STPG2: variants seen among roughly 807,000 people sequenced by gnomAD.
The protein encoded by STPG2 is sperm-tail PG-rich repeat-containing protein 2.
In STPG2, 56 loss-of-function variants were observed where a neutral mutation model predicts 54.2. That is an observed-to-expected ratio of 1.03 (90% CI 0.83 to 1.29). STPG2 has a LOEUF of 1.29. Among genes scored for constraint, STPG2 ranks in the 50% most tolerant of loss-of-function variants. The pLI, the probability that STPG2 is intolerant of heterozygous loss-of-function variation, is 0.00. For synonymous variants in STPG2, 200 were observed against 181.8 expected, an observed-to-expected ratio of 1.10 and a Z score of -0.81; for missense variants, 596 against 544.9, an observed-to-expected ratio of 1.09 and a Z score of -0.93.
chr4:97,966,968 C>G (rs920234324), intron 7 of STPG2, among the ~76,000 whole-genome samples: 1 of 152,028 alleles, frequency 6.6e-6, no homozygotes, highest in Admixed American at 6.6e-5. Context: ...GCAAAATAAC[C>G]AGCTAACATC....
chr4:98,140,800 C>G (rs1740261009), intron 1 of STPG2, among the ~76,000 whole-genome samples: 1 of 151,938 alleles, frequency 6.6e-6, no homozygotes, highest in Non-Finnish European at 1.5e-5. Flanking sequence ...TCAAGGACAT[C>G]AACAGCAACA....
chr4:97,969,976 T>C (rs1734263828), intron 7 of STPG2, among the ~76,000 whole-genome samples: 1 of 152,134 alleles, frequency 6.6e-6, no homozygotes, highest in Admixed American at 6.5e-5. Flanking sequence ...GGATACAAAA[T>C]CAATGTACAA....
chr4:98,018,846 C>T (rs28813541), intron 5 of STPG2, among the ~76,000 whole-genome samples: 59,458 of 151,110 alleles, frequency 0.39, 11,926 homozygotes, highest in Middle Eastern at 0.46. Context: ...ATATCCTTTG[C>T]CCACTTTTTG....
At chr4:97,990,476 A>C (rs916256785) in intron 5 of STPG2, among the ~76,000 whole-genome samples, 15 of 152,158 alleles carry the variant, frequency 9.9e-5, no homozygotes, top group African/African-American at 3.6e-4. Flanking sequence ...TGTGACCAAA[A>C]GACAACCTGC....
At chr4:97,760,855 C>T (rs753411579) in intron 9 of STPG2, among the ~76,000 whole-genome samples, 12 of 152,108 alleles carry the variant, frequency 7.9e-5, no homozygotes, top group African/African-American at 2.4e-4. Flanking sequence ...GACTGCAAGG[C>T]TGCATTTCTT....
chr4:98,082,730 G>A (rs1738388243), intron 5 of STPG2, among the ~76,000 whole-genome samples: 2 of 151,846 alleles, frequency 1.3e-5, no homozygotes, highest in South Asian at 4.1e-4. Flanking sequence ...GGGATTACAG[G>A]TGTGAGCCAC....
chr4:98,044,251 T>G (rs1737056214), intron 5 of STPG2, among the ~76,000 whole-genome samples: 1 of 152,290 alleles, frequency 6.6e-6, no homozygotes, highest in South Asian at 2.1e-4. Context: ...TTTCTTTTGA[T>G]CTATGTATTT....
At chr4:97,755,237 C>T (rs917423509) in intron 9 of STPG2, among the ~76,000 whole-genome samples, 1 of 152,046 alleles carries the variant, frequency 6.6e-6, no homozygotes, top group African/African-American at 2.4e-5. Flanking sequence ...AATGGTTAGC[C>T]ATGTCTATCA....
intron 3 of STPG2, among the ~76,000 whole-genome samples, chr4:98,115,627 T>G (rs1333211047): frequency 6.6e-6 from 1 of 151,964 alleles, no homozygotes; most frequent in East Asian, 1.9e-4. Context: ...TTTTCTTAAT[T>G]TTCTATCAAT....
chr4:97,802,285 A>G (rs960803817), intron 9 of STPG2, among the ~76,000 whole-genome samples: 2 of 152,132 alleles, frequency 1.3e-5, no homozygotes, highest in Non-Finnish European at 2.9e-5. Context: ...CTTTCAAAAC[A>G]TATTCTAGAG....
intron 10 of STPG2, among the ~76,000 whole-genome samples, chr4:97,631,227 G>A (rs538514368): frequency 6.6e-6 from 1 of 151,812 alleles, no homozygotes; most frequent in Non-Finnish European, 1.5e-5. Flanking sequence ...TGACAAAGAA[G>A]GCAAGACATT....
In STPG2 at chr4:97,477,482, T is replaced by G. The variant is rs950757098; in HGVS notation, c.462+235217A>C. Among the ~76,000 whole-genome samples the G allele has an allele frequency of 1.9e-3, 283 of 147,884 alleles. 1 individual carries two copies. The highest frequency in any genetic ancestry group is 6.3e-3 in the African/African-American group (253 of 39,990). On this transcript the variant is annotated intron_variant, in intron 4 of 4. Coordinates refer to the STPG2 transcript ENST00000522676. ...TGGTTTACCTTCCTTTTTTGTTTTT[T>G]TTTTTTTTTTTTGAGACTGACTCTC... is the stretch of plus-strand genomic sequence containing the variant.
intron 1 of STPG2, among the ~76,000 whole-genome samples, chr4:98,135,046 T>A (rs1014907312): frequency 2.6e-5 from 4 of 151,718 alleles, no homozygotes; most frequent in Non-Finnish European, 4.4e-5. Flanking sequence ...ACTTGAACAC[T>A]CTACTGAAAA....
chr4:97,897,464 T>C (rs1038597577), intron 8 of STPG2, among the ~76,000 whole-genome samples: 1 of 152,136 alleles, frequency 6.6e-6, no homozygotes, highest in Non-Finnish European at 1.5e-5. Flanking sequence ...TGTTTTTAGG[T>C]CTTTGAAAAA....
At chr4:98,044,387 G>A (rs377743322) in intron 5 of STPG2, among the ~76,000 whole-genome samples, 15 of 152,092 alleles carry the variant, frequency 9.9e-5, no homozygotes, top group African/African-American at 3.1e-4. Flanking sequence ...CTGGATAAGC[G>A]AAGTGCCACT....
At chr4:97,735,004 C>T (rs752638698) in intron 9 of STPG2, among the ~76,000 whole-genome samples, 10 of 150,072 alleles carry the variant, frequency 6.7e-5, no homozygotes, top group South Asian at 2.1e-4. Flanking sequence ...ACCCAGGAGG[C>T]GGAGCTGGCA....
At chr4:97,942,842 T>A (rs1733042771) in intron 8 of STPG2, among the ~76,000 whole-genome samples, 1 of 152,230 alleles carries the variant, frequency 6.6e-6, no homozygotes, top group Admixed American at 6.5e-5. Flanking sequence ...TGTTTAATAA[T>A]CCTGTTTTGA....
chr4:97,766,749 G>C (rs1325907857), intron 9 of STPG2, among the ~76,000 whole-genome samples: 1 of 151,876 alleles, frequency 6.6e-6, no homozygotes, highest in Non-Finnish European at 1.5e-5. Flanking sequence ...TTTTGTTTTT[G>C]TCAAATAAAT....
intron 5 of STPG2, among the ~76,000 whole-genome samples, chr4:98,084,589 GTTCTAGT>G (rs1738450384): frequency 6.6e-6 from 1 of 152,172 alleles, no homozygotes; most frequent in Non-Finnish European, 1.5e-5. Flanking sequence ...TGTATGAAGA[GTTCTAGT>G]TGCTACATAT....
Sources: allele counts gnomAD v4.1 joint callset (sites outside exome capture counted in the v4.1 genomes callset), GRCh38; gene constraint gnomAD v4.1.1; transcripts MANE v1.5; gene names NCBI Gene and HGNC (gene_info 2026-07-23, HGNC 2026-07-21).